Variants in HS6ST3 observed in about 807,000 individuals in gnomAD.
HS6ST3 encodes the protein heparan sulfate 6-O-sulfotransferase 3, also known as heparan-sulfate 6-O-sulfotransferase 3.
Under a neutral mutation model 36.7 loss-of-function variants are expected in HS6ST3, and 12 were observed. That is an observed-to-expected ratio of 0.33 (90% confidence interval 0.21 to 0.53). The LOEUF is 0.53. HS6ST3 is among the 20% of genes least tolerant of loss of function. HS6ST3 has a pLI of 0.95. For synonymous variants in HS6ST3, 240 were observed against 257.5 expected (o/e 0.93, Z 0.65); for missense variants, 584 against 640.9 (o/e 0.91, Z 0.96).
Position 96,331,726 on chromosome 13 carries a change from G to A in HS6ST3, c.707+240157G>A, listed in dbSNP as rs368411170. Among the ~76,000 whole-genome samples the A allele has an allele frequency of 1.2e-4, 18 of 152,288 alleles. 1 individual carries two copies. The East Asian group carries it at 1.6e-3, about 13-fold the overall frequency. The stretch of plus-strand genomic sequence containing the variant: ...GGCTCCACCCAGTTGGAGCTTCCCG[G>A]CTGCTTTGTTTACCTAAGCAAGCCT... On this transcript the variant is annotated intron_variant, in intron 1 of 1. Coordinates refer to ENST00000376705, the MANE Select transcript of HS6ST3 (RefSeq NM_153456.4).
chr13:96,524,172 G>A (rs1234253912), intron 1 of HS6ST3, among the ~76,000 whole-genome samples: 1 of 152,144 alleles, frequency 6.6e-6, no homozygotes, highest in African/African-American at 2.4e-5. Flanking sequence ...GTTTGCCTGG[G>A]TACCACCAGC....
At chr13:96,131,745 CT>C (rs34130950) in intron 1 of HS6ST3, among the ~76,000 whole-genome samples, 30 of 144,120 alleles carry the variant, frequency 2.1e-4, no homozygotes, top group Admixed American at 6.2e-4. Context: ...CTATTCTACT[CT>C]TTTTTTTTTT....
At chr13:96,139,501 T>A (rs1303234716) in intron 1 of HS6ST3, among the ~76,000 whole-genome samples, 1 of 131,498 alleles carries the variant, frequency 7.6e-6, no homozygotes, top group South Asian at 2.5e-4. Context: ...CTGTTGTCAG[T>A]TGGGAATGAA....
chr13:96,406,194 A>T (rs2055477305), intron 1 of HS6ST3, among the ~76,000 whole-genome samples: 1 of 152,208 alleles, frequency 6.6e-6, no homozygotes, highest in African/African-American at 2.4e-5. Flanking sequence ...TTTTATTCAG[A>T]CATTATTCTG....
chr13:96,341,392 A>G (rs1179107799), intron 1 of HS6ST3, among the ~76,000 whole-genome samples: 1 of 152,220 alleles, frequency 6.6e-6, no homozygotes, highest in Admixed American at 6.5e-5. Context: ...TTATAAATAT[A>G]TGTGCATACA....
At chr13:96,441,734 A>G (rs564622237) in intron 1 of HS6ST3, among the ~76,000 whole-genome samples, 1 of 152,318 alleles carries the variant, frequency 6.6e-6, no homozygotes, top group South Asian at 2.1e-4. Context: ...TAAAGGTAAA[A>G]ATATTACTAT....
At chr13:96,093,822 T>C (rs1345982494) in intron 1 of HS6ST3, among the ~76,000 whole-genome samples, 1 of 152,186 alleles carries the variant, frequency 6.6e-6, no homozygotes, top group African/African-American at 2.4e-5. Flanking sequence ...GTCATTGTAA[T>C]GTCTGTGTAC....
intron 1 of HS6ST3, among the ~76,000 whole-genome samples, chr13:96,509,530 AAGAT>A (rs2056040439): frequency 6.6e-6 from 1 of 152,140 alleles, no homozygotes; most frequent in African/African-American, 2.4e-5. Context: ...TATAAGGTGA[AAGAT>A]AGGGATCCAG....
At chr13:96,500,695 C>T (rs1488004338) in intron 1 of HS6ST3, among the ~76,000 whole-genome samples, 1 of 152,176 alleles carries the variant, frequency 6.6e-6, no homozygotes, top group African/African-American at 2.4e-5. Context: ...ACAAGTCTGC[C>T]TCCCATCCTG....
intron 1 of HS6ST3, among the ~76,000 whole-genome samples, chr13:96,377,142 A>T (rs1359055047): frequency 6.6e-6 from 1 of 150,770 alleles, no homozygotes; most frequent in East Asian, 1.9e-4. Flanking sequence ...AGGTGGGAGG[A>T]TTACTTGAGC....
At chr13:96,771,488 A>G (rs931090503) in intron 1 of HS6ST3, among the ~76,000 whole-genome samples, 5 of 152,214 alleles carry the variant, frequency 3.3e-5, no homozygotes, top group African/African-American at 1.2e-4. Flanking sequence ...TAATCATGTA[A>G]TCACTCTACT....
chr13:96,574,758 A>G (rs927069004), intron 1 of HS6ST3, among the ~76,000 whole-genome samples: 3 of 152,008 alleles, frequency 2.0e-5, no homozygotes, highest in African/African-American at 4.8e-5. Flanking sequence ...CTCCCTGACT[A>G]GTGGGAATTA....
intron 1 of HS6ST3, among the ~76,000 whole-genome samples, chr13:96,262,072 A>G (rs1789275975): frequency 6.6e-6 from 1 of 152,166 alleles, no homozygotes; most frequent in African/African-American, 2.4e-5. Context: ...GGATGAATGA[A>G]GGTTATCAGA....
intron 1 of HS6ST3, among the ~76,000 whole-genome samples, chr13:96,611,725 G>T (rs1357684506): frequency 6.6e-6 from 1 of 152,140 alleles, no homozygotes; most frequent in African/African-American, 2.4e-5. Context: ...TCCAGGAAAA[G>T]GAATGTCATG....
chr13:96,680,894 G>C (rs1264800522), intron 1 of HS6ST3, among the ~76,000 whole-genome samples: 1 of 152,214 alleles, frequency 6.6e-6, no homozygotes, highest in Admixed American at 6.5e-5. Flanking sequence ...GAAGGCTTTG[G>C]AGCCACATAA....
At chr13:96,655,298 G>A (rs1474759460) in intron 1 of HS6ST3, among the ~76,000 whole-genome samples, 4 of 152,054 alleles carry the variant, frequency 2.6e-5, no homozygotes, top group African/African-American at 9.7e-5. Context: ...GAGTAAATCA[G>A]GGGACATTTC....
intron 1 of HS6ST3, among the ~76,000 whole-genome samples, chr13:96,595,480 G>GT (rs922300966): frequency 1.4e-4 from 20 of 146,656 alleles, no homozygotes; most frequent in African/African-American, 4.5e-4. Flanking sequence ...CTCTCTCTTT[G>GT]TTTTTTATTT....
In HS6ST3 at chr13:96,837,786, G is replaced by A. The variant is rs1878966677; in HGVS notation, c.*4588G>A. 6.6e-6 allele frequency: 1 copy of A among 151,508 alleles called. No individual in the cohort carries two copies. The highest frequency in any genetic ancestry group is 6.6e-5 in the Admixed American group (1 of 15,208). The allele number at this position is 151,508 out of a possible 1,614,324, so 9.4% of individuals were successfully genotyped here. On this transcript the variant is annotated 3_prime_UTR_variant, in exon 2 of 2. Transcript: ENST00000376705. The stretch of plus-strand genomic sequence containing the variant: ...AAACCTATTCAATATGAAGGCCGAG[G>A]GAATGTGCTCACAACTCCCTATTAA...
intron 1 of HS6ST3, among the ~76,000 whole-genome samples, chr13:96,423,222 C>T (rs532279712): frequency 2.0e-5 from 3 of 152,236 alleles, no homozygotes; most frequent in Non-Finnish European, 2.9e-5. Flanking sequence ...TCAAAATGCC[C>T]ATTCATTCAT....
Sources: gnomAD v4.1 joint callset for allele counts (sites outside exome capture counted in the v4.1 genomes callset) on GRCh38, gnomAD v4.1.1 for gene constraint, MANE v1.5 for transcripts, NCBI Gene and HGNC (gene_info 2026-07-23, HGNC 2026-07-21) for gene names.